The following HERC1 variants were observed in gnomAD, a reference collection of about 807,000 sequenced individuals.
HERC1 encodes probable E3 ubiquitin-protein ligase HERC1.
Under a neutral mutation model 554.3 loss-of-function variants are expected in HERC1, and 160 were observed. The observed-to-expected ratio is 0.29, with a 90% CI of 0.25 to 0.33. The LOEUF (loss-of-function observed/expected upper bound fraction) is 0.33, where lower values mean the gene tolerates loss of function less well. HERC1 is among the 10% of genes least tolerant of loss of function. The pLI is 1.00. For synonymous variants in HERC1, 2,175 were observed against 2,131.7 expected (o/e 1.02, Z -0.56); for missense variants, 4,919 against 5,918.5 (o/e 0.83, Z 5.54).
At chr15:63,762,069 C>G (rs144528859) in intron 3 of HERC1, among the ~76,000 whole-genome samples, 2,082 of 152,196 alleles carry the variant, frequency 0.014, 24 homozygotes, top group East Asian at 0.031. Context: ...ATAAAAGAAA[C>G]CAGGACTTTT....
chr15:63,718,817 T>C lies in HERC1; in HGVS notation c.3823A>G (p.Thr1275Ala). 6.2e-7 allele frequency: 1 copy of C among 1,613,726 alleles called. No homozygotes were observed. The highest frequency in any genetic ancestry group is 8.5e-7 in the Non-Finnish European group (1 of 1,179,684). The stretch of plus-strand genomic sequence containing the variant: ...CCACATGCTTGACTAAGTAAATTTG[T>C]GTGTTTCAGAAGAGCTGCAAGAACA... ...RFVLAALLKH[T>A]NLLSQACGES... is the part of the protein sequence containing the mutation. The change falls in exon 20 of 78, where the codon ACA becomes GCA. Residue 1275 changes from threonine (T) to alanine (A), a missense_variant. Thr to Ala is a moderately conservative substitution (Grantham distance 58, BLOSUM62 0). This residue lies in a region of HERC1 where 1,121 missense variants were observed against 1,244.0 expected (regional missense o/e 0.90). Transcript: ENST00000443617. This position sits in a 1 kb window ranked among gnomAD's most constrained non-coding sequence, Gnocchi z 4.2.
At position 63,727,758 on chromosome 15, in the gene HERC1, G is replaced by A. The variant is rs1373292228; in HGVS notation, c.3235C>T (p.Arg1079Trp). Residue 1079 changes from arginine to tryptophan, a missense_variant, in exon 17 of 78, where the codon CGG becomes TGG. Coordinates refer to ENST00000443617, the MANE Select transcript of HERC1 (RefSeq NM_003922.4). This position sits in a 1 kb window ranked among gnomAD's most constrained non-coding sequence, Gnocchi z 4.3. ...TCGAGGAGGTAACTCAATAAAGGCC[G>A]AGCCACTGACACAGGGAGTAACAGC... Reference protein sequence around the residue: ...SLLLLPVSVARPLLSYLLDLL... With the variant: ...SLLLLPVSVAWPLLSYLLDLL... 3 of 1,613,760 alleles carry A rather than the reference G, an allele frequency of 1.9e-6. No homozygotes were observed. The highest frequency in any genetic ancestry group is 2.5e-6 in the Non-Finnish European group (3 of 1,179,816).
chr15:63,632,380 C>A, intron 68 of HERC1: 1 of 349,762 alleles, frequency 2.9e-6, no homozygotes, highest in Non-Finnish European at 5.4e-6. Context: ...AAGAATGAGG[C>A]AGGACACAGA....
rs1328716719 is a variant in HERC1, at chr15:63,727,271, AT to A, written c.3346+375del. ...AGCCTGGGCAACAGAGCAAGACTCC[AT>A]CTCAAAAAAAGAAAAAAGGAAAGAA... On this transcript the variant is annotated intron_variant, in intron 17 of 77. Coordinates refer to ENST00000443617, the MANE Select transcript of HERC1 (RefSeq NM_003922.4). This position sits in a 1 kb window ranked among gnomAD's most constrained non-coding sequence, Gnocchi z 4.3. 6.6e-6 allele frequency among the ~76,000 whole-genome samples: 1 copy of A among 152,088 alleles called. No homozygotes were observed. Among genetic ancestry groups the A allele is most frequent in the African/African-American group, 2.4e-5 (1 of 41,426 alleles).
intron 31 of HERC1, among the ~76,000 whole-genome samples, chr15:63,690,869 G>A (rs2072065836): frequency 6.6e-6 from 1 of 152,118 alleles, no homozygotes; most frequent in Admixed American, 6.5e-5. Context: ...AATGGGAAGA[G>A]CATTGTAAAA....
In HERC1 at chr15:63,713,621, G is replaced by A. The variant is rs749735389; in HGVS notation, c.4195C>T (p.Arg1399Ter). 2.5e-6 allele frequency: 4 copies of A among 1,612,912 alleles called. No homozygotes were observed. The highest frequency in any genetic ancestry group is 2.5e-6 in the Non-Finnish European group (3 of 1,179,450). The change falls in exon 23 of 78, where the codon CGA becomes TGA. Residue 1399 changes from arginine (R) to a stop codon, truncating the protein, a stop_gained. Transcript: ENST00000443617. LOFTEE classifies it high-confidence loss of function. ...FLSAREVARS[R>*]DRDRMNSGAG... Reference sequence around the variant, plus strand: ...CCACTGTTCATTCTATCTCGGTCTCGGCTACGAGCTACTTCACGGGCTGAG... The same window carrying A: ...CCACTGTTCATTCTATCTCGGTCTCAGCTACGAGCTACTTCACGGGCTGAG...
rs756104240 is a variant in HERC1, at chr15:63,643,397, C to G, written c.11331+7G>C. 1 of 1,608,652 alleles carries G rather than the reference C, an allele frequency of 6.2e-7. No homozygotes were observed. The highest frequency in any genetic ancestry group is 1.7e-5 in the Admixed American group (1 of 58,962). On this transcript the variant is annotated splice_region_variant and intron_variant, in intron 58 of 77. Coordinates refer to ENST00000443617, the MANE Select transcript of HERC1 (RefSeq NM_003922.4). Reference sequence around the variant, plus strand: ...CCTTAACATAAAAATAAAATCTATGCTCTTACCCTTAAAGACCAAATGTTC... The same window carrying G: ...CCTTAACATAAAAATAAAATCTATGGTCTTACCCTTAAAGACCAAATGTTC...
intron 1 of HERC1, among the ~76,000 whole-genome samples, chr15:63,799,058 T>TG (rs1408769360): frequency 3.3e-5 from 5 of 152,220 alleles, no homozygotes; most frequent in African/African-American, 9.6e-5. Context: ...AGGTCATACT[T>TG]GCACATTTAA....
Position 63,652,472 on chromosome 15 carries a change from C to T in HERC1, c.10360G>A (p.Val3454Ile), listed in dbSNP as rs373098342. 44 of 1,611,126 alleles carry T rather than the reference C, an allele frequency of 2.7e-5. No individual in the cohort carries two copies. The highest frequency in any genetic ancestry group is 1.3e-4 in the East Asian group (6 of 44,822). Residue 3454 changes from valine to isoleucine, a missense_variant, in exon 52 of 78, where the codon GTA (valine) becomes ATA (isoleucine). Physicochemically the swap from Val to Ile is conservative, Grantham distance 29. Transcript: ENST00000443617. The stretch of plus-strand genomic sequence containing the variant: ...TATTGCTTCTTGGTAACATTCCATA[C>T]GCGGATGGTGCCATCATTGCCACTT... ...ATSGNDGTIR[V>I]WNVTKKQYSL...
chr15:63,648,226 G>A lies in HERC1; in HGVS notation c.10748-27C>T. ...TAACATGATCAAAACAAAAGAGTAA[G>A]GAAAAGATAATTATTTGTCATTGTC... is the stretch of plus-strand genomic sequence containing the variant. On this transcript the variant is annotated intron_variant, in intron 54 of 77. Transcript: ENST00000443617. 5 of 1,574,518 alleles carry A rather than the reference G, an allele frequency of 3.2e-6. No individual in the cohort carries two copies. In the South Asian group the frequency reaches 3.5e-5, roughly 11 times the overall value.
At chr15:63,809,789 C>CA (rs34059646) in intron 1 of HERC1, among the ~76,000 whole-genome samples, 3,615 of 136,156 alleles carry the variant, frequency 0.027, 48 homozygotes, top group African/African-American at 0.043. Context: ...TTTAGAATAG[C>CA]AAAAAAAAAA....
chr15:63,795,757 T>TGGA (rs2076793388), intron 1 of HERC1, among the ~76,000 whole-genome samples: 1 of 152,216 alleles, frequency 6.6e-6, no homozygotes, highest in Non-Finnish European at 1.5e-5. Context: ...ATTTATAATC[T>TGGA]CACGCGTCCA....
intron 22 of HERC1, 21 bp from the exon 23 acceptor site, chr15:63,713,686 A>T (rs200009446): frequency 1.3e-5 from 20 of 1,589,470 alleles, no homozygotes; most frequent in Non-Finnish European, 1.6e-5. Flanking sequence ...CAACACAAAA[A>T]CAAGGTCTTA....
chr15:63,718,373 A>C lies in HERC1; in HGVS notation c.3978+201T>G, dbSNP rs538487040. 2.8e-5 allele frequency: 13 copies of C among 467,626 alleles called. No individual in the cohort carries two copies. In the South Asian group the frequency reaches 5.6e-4, roughly 20 times the overall value. The allele number at this position is 467,626 out of a possible 1,614,324, so 29.0% of individuals were successfully genotyped here. A position where few individuals can be genotyped will look rare whatever the true frequency, so the allele number is the denominator to read the frequency against. ...ATGCAGCCAACTAAAGTTTCTTAGAACCAATATCACACTTGGTAAATGTGA... is the reference window on the plus strand; with the variant it reads ...ATGCAGCCAACTAAAGTTTCTTAGACCCAATATCACACTTGGTAAATGTGA... On this transcript the variant is annotated intron_variant, in intron 21 of 77. Coordinates refer to ENST00000443617, the MANE Select transcript of HERC1 (RefSeq NM_003922.4). This position sits in a 1 kb window ranked among gnomAD's most constrained non-coding sequence, Gnocchi z 4.2.
At chr15:63,795,281 T>G (rs1386952431) in intron 1 of HERC1, among the ~76,000 whole-genome samples, 1 of 152,084 alleles carries the variant, frequency 6.6e-6, no homozygotes, top group Non-Finnish European at 1.5e-5. Context: ...ATTAAAATAT[T>G]CTGCTTGCAT....
chr15:63,625,807 G>A (rs181507070), intron 71 of HERC1, 178 bp downstream of exon 71: 12 of 715,846 alleles, frequency 1.7e-5, no homozygotes, highest in East Asian at 2.7e-5. Context: ...GCAGCATCAT[G>A]TCCAACCTCT....
At position 63,689,628 on chromosome 15, in the gene HERC1, A is replaced by G; in HGVS notation, c.6009T>C (p.Ala2003=). The G allele has an allele frequency of 6.3e-7, 1 of 1,582,476 alleles. No individual in the cohort carries two copies. Among genetic ancestry groups the G allele is most frequent in the Non-Finnish European group, 8.6e-7 (1 of 1,162,752 alleles). ...WETPIAQAKH[A]IQIKEKEQEI... ...CTTGTTCTTTTTCCTTTATCTGAAT[A>G]GCATGTTTGGCCTGAGCAATGGGTG... Residue 2003 remains alanine, a synonymous_variant, in exon 33 of 78, where the codon GCT becomes GCC. Coordinates refer to ENST00000443617, the MANE Select transcript of HERC1 (RefSeq NM_003922.4).
At chr15:63,618,309 T>C (rs2152739117) in intron 74 of HERC1, among the ~76,000 whole-genome samples, 1 of 152,334 alleles carries the variant, frequency 6.6e-6, no homozygotes. Flanking sequence ...GATCAGATAG[T>C]TGTAGATATG....
intron 1 of HERC1, among the ~76,000 whole-genome samples, chr15:63,822,805 A>C (rs547133512): frequency 3.3e-5 from 5 of 152,268 alleles, no homozygotes; most frequent in African/African-American, 1.2e-4. Context: ...GAGATGACAA[A>C]ATGTGATCAG....
Sources: gnomAD v4.1 joint callset for allele counts (sites outside exome capture counted in the v4.1 genomes callset) on GRCh38, gnomAD v4.1.1 for gene constraint, gnomAD v4.1.1 regional missense constraint, Gnocchi (gnomAD v3.1) non-coding constraint, MANE v1.5 for transcripts, NCBI Gene and HGNC (gene_info 2026-07-23, HGNC 2026-07-21) for gene names.